The following SLC25A21 variants were observed in gnomAD, a reference collection of about 807,000 sequenced individuals.
The protein encoded by SLC25A21 is mitochondrial 2-oxodicarboxylate carrier.
A neutral mutation model predicts 43.8 loss-of-function variants in SLC25A21; 47 were observed. The ratio of observed to expected loss-of-function variants is 1.07; its 90% CI spans 0.85 to 1.37. The LOEUF is 1.37. Ranked by LOEUF, SLC25A21 falls within the 40% of genes most tolerant of loss-of-function variation. The pLI is 0.00. For missense variants in SLC25A21, 352 were observed against 350.2 expected, an observed-to-expected ratio of 1.00 and a Z score of -0.04; for synonymous variants, 131 against 121.3, an observed-to-expected ratio of 1.08 and a Z score of -0.52.
At chr14:37,144,924 G>GTTGTTGTTGTT (rs1555349804) in intron 1 of SLC25A21, among the ~76,000 whole-genome samples, 72 of 150,454 alleles carry the variant, frequency 4.8e-4, no homozygotes, top group East Asian at 1.6e-3. Context: ...CAGCCTGGGT[G>GTTGTTGTTGTT]GTTGTTGTTG....
chr14:36,824,599 A>C (rs1391286171), intron 2 of SLC25A21, among the ~76,000 whole-genome samples: 1 of 152,106 alleles, frequency 6.6e-6, no homozygotes, highest in African/African-American at 2.4e-5. Flanking sequence ...CGCTTAGAAA[A>C]GAAAAAGTGC....
At chr14:37,029,475 C>T (rs1342631489) in intron 1 of SLC25A21, among the ~76,000 whole-genome samples, 1 of 152,160 alleles carries the variant, frequency 6.6e-6, no homozygotes, top group African/African-American at 2.4e-5. Flanking sequence ...TGGGCATACT[C>T]AGTGCCACTT....
chr14:36,694,011 C>A (rs1357729779), intron 7 of SLC25A21, among the ~76,000 whole-genome samples: 2 of 152,048 alleles, frequency 1.3e-5, no homozygotes, highest in Non-Finnish European at 2.9e-5. Context: ...TTGCTGCACC[C>A]ATCAACTCAT....
At chr14:36,791,242 T>C (rs1007686774) in intron 3 of SLC25A21, among the ~76,000 whole-genome samples, 1 of 152,188 alleles carries the variant, frequency 6.6e-6, no homozygotes, top group African/African-American at 2.4e-5. Context: ...ACATTATAAA[T>C]GCATATATTA....
At chr14:37,102,679 T>A (rs1466833819) in intron 1 of SLC25A21, among the ~76,000 whole-genome samples, 1 of 151,984 alleles carries the variant, frequency 6.6e-6, no homozygotes, top group East Asian at 1.9e-4. Context: ...ACCAGTGTGC[T>A]CTCAGAAAGT....
chr14:36,991,375 TGGCACAC>T lies in SLC25A21; in HGVS notation c.71-116378_71-116372del, dbSNP rs1369045778. The stretch of plus-strand genomic sequence containing the variant: ...CGGTGAAGCAGAGAAGCAGCAGCCC[TGGCACAC>T]GGCATTCAACACTTATGGACCTGCT... On this transcript the variant is annotated intron_variant, in intron 1 of 9. Transcript: ENST00000331299. 5.3e-5 allele frequency among the ~76,000 whole-genome samples: 8 copies of T among 152,290 alleles called. No homozygotes were observed. The East Asian group carries it at 1.5e-3, about 30-fold the overall frequency.
At chr14:36,935,045 C>G (rs925966661) in intron 1 of SLC25A21, among the ~76,000 whole-genome samples, 13 of 151,950 alleles carry the variant, frequency 8.6e-5, no homozygotes, top group African/African-American at 3.1e-4. Flanking sequence ...TCCACTCTTT[C>G]AAATGGAGAA....
At chr14:36,951,593 ATT>A (rs35759608) in intron 1 of SLC25A21, among the ~76,000 whole-genome samples, 2,626 of 149,802 alleles carry the variant, frequency 0.018, 69 homozygotes, top group African/African-American at 0.06. Context: ...CAAGGTATGC[ATT>A]TTTTTTTTGC....
chr14:36,810,798 G>C (rs1375096204), intron 3 of SLC25A21, among the ~76,000 whole-genome samples: 1 of 121,372 alleles, frequency 8.2e-6, no homozygotes, highest in African/African-American at 2.7e-5. Flanking sequence ...ATATATTCTT[G>C]GGATGGGAAA....
At chr14:36,776,238 C>CTTTTTTTTTTTTTTTTTTTTTTTTTTT (rs35856297) in intron 3 of SLC25A21, among the ~76,000 whole-genome samples, 1 of 89,902 alleles carries the variant, frequency 1.1e-5, no homozygotes, top group Non-Finnish European at 1.9e-5. Context: ...TTCTTTCTTT[C>CTTTTTTTTTTTTTTTTTTTTTTTTTTT]TTTTTTTTTT....
At chr14:36,817,213 A>AT (rs1222378878) in intron 2 of SLC25A21, among the ~76,000 whole-genome samples, 1 of 141,730 alleles carries the variant, frequency 7.1e-6, no homozygotes, top group Non-Finnish European at 1.6e-5. Context: ...AGAAAGAAAT[A>AT]TGAAAAAAAA....
rs187986443 is a variant in SLC25A21, at chr14:36,688,602, T to C, written c.604-3677A>G. Among the ~76,000 whole-genome samples, 332 of 152,288 alleles carry C rather than the reference T, an allele frequency of 2.2e-3. 2 individuals carry two copies. Among genetic ancestry groups the C allele is most frequent in the African/African-American group, 7.7e-3 (321 of 41,568 alleles). On this transcript the variant is annotated intron_variant, in intron 7 of 9. Coordinates refer to ENST00000331299, the MANE Select transcript of SLC25A21 (RefSeq NM_030631.4). ...CCGCCTTCGGTCCTACCGCCCCACC[T>C]CCAGCAGCCCAGAACCCTACATTTC... is the stretch of plus-strand genomic sequence containing the variant.
At chr14:36,685,230 G>A (rs1882483952) in intron 7 of SLC25A21, among the ~76,000 whole-genome samples, 1 of 152,198 alleles carries the variant, frequency 6.6e-6, no homozygotes, top group South Asian at 2.1e-4. Flanking sequence ...GCTTCACAAT[G>A]TACTTAGTAT....
At chr14:36,897,234 A>G (rs894984673) in intron 1 of SLC25A21, among the ~76,000 whole-genome samples, 1 of 151,962 alleles carries the variant, frequency 6.6e-6, no homozygotes, top group Non-Finnish European at 1.5e-5. Context: ...GGCTTTGTTC[A>G]TTTCTTTTTA....
chr14:36,794,439 A>G (rs1594594069), intron 3 of SLC25A21, among the ~76,000 whole-genome samples: 1 of 152,272 alleles, frequency 6.6e-6, no homozygotes, highest in East Asian at 1.9e-4. Context: ...TGCATCAAAC[A>G]TTTTATTGTA....
At chr14:36,783,020 A>T (rs60508835) in intron 3 of SLC25A21, among the ~76,000 whole-genome samples, 29,978 of 151,174 alleles carry the variant, frequency 0.2, 3,380 homozygotes, top group East Asian at 0.39. Context: ...AAATAAAAAA[A>T]AAAGATTGCA....
chr14:36,779,411 T>TA, intron 3 of SLC25A21, among the ~76,000 whole-genome samples: 1 of 144,650 alleles, frequency 6.9e-6, no homozygotes, highest in African/African-American at 2.5e-5. Context: ...AAACATATTC[T>TA]TATATATATA....
At chr14:36,877,615 T>C (rs1169465) in intron 1 of SLC25A21, among the ~76,000 whole-genome samples, 55,871 of 151,806 alleles carry the variant, frequency 0.37, 10,558 homozygotes, top group East Asian at 0.43. Flanking sequence ...GCTCAGAGTT[T>C]ATGGGAGCAC....
intron 3 of SLC25A21, among the ~76,000 whole-genome samples, chr14:36,764,491 G>A (rs144673947): frequency 2.9e-5 from 4 of 139,268 alleles, no homozygotes; most frequent in African/African-American, 1.1e-4. Flanking sequence ...CGAGGTAATA[G>A]TAACAGAAGG....
Sources: gnomAD v4.1 joint callset for allele counts (sites outside exome capture counted in the v4.1 genomes callset) on GRCh38, gnomAD v4.1.1 for gene constraint, MANE v1.5 for transcripts, NCBI Gene and HGNC (gene_info 2026-07-23, HGNC 2026-07-21) for gene names.